HTR2B: variants seen among roughly 807,000 people sequenced by gnomAD.
HTR2B encodes the protein 5-hydroxytryptamine receptor 2B.
A neutral mutation model predicts 39.8 loss-of-function variants in HTR2B; 31 were observed. That is an observed-to-expected ratio of 0.78 (90% CI 0.58 to 1.05). The LOEUF (loss-of-function observed/expected upper bound fraction) is 1.05, where lower values mean the gene tolerates loss of function less well. Ranked by LOEUF, HTR2B falls within the 50% of genes least tolerant of loss-of-function variation. The probability of loss-of-function intolerance (pLI) is 0.00; values close to 1 mark genes in which losing one functional copy is unlikely to be tolerated. For missense variants in HTR2B, 562 were observed against 578.0 expected, an observed-to-expected ratio of 0.97 and a Z score of 0.28; for synonymous variants, 210 against 207.1, an observed-to-expected ratio of 1.01 and a Z score of -0.12.
At chr2:231,116,423 C>G (rs1326460813) in intron 2 of HTR2B, among the ~76,000 whole-genome samples, 2 of 152,018 alleles carry the variant, frequency 1.3e-5, no homozygotes, top group Non-Finnish European at 2.9e-5. Context: ...AGTCCTTACT[C>G]TCTCTGTAAC....
In HTR2B at chr2:231,108,710, C is replaced by T. The variant is rs368672604; in HGVS notation, c.1253G>A (p.Arg418Gln). The T allele has an allele frequency of 8.1e-6, 13 of 1,613,944 alleles. No homozygotes were observed. Among genetic ancestry groups the T allele is most frequent in the African/African-American group, 8.0e-5 (6 of 74,902 alleles). Reference sequence around the variant, plus strand: ...CTTAGAGTTCTCTGCCATTGGATTCCGGAAGTAGATCTTACTGGAGCGTTT... The same window carrying T: ...CTTAGAGTTCTCTGCCATTGGATTCTGGAAGTAGATCTTACTGGAGCGTTT... ...LRKRSSKIYF[R>Q]NPMAENSKFF... is the part of the protein sequence containing the mutation. The change falls in exon 4 of 4, where the codon CGG becomes CAG. Residue 418 changes from arginine (R) to glutamine (Q), a missense_variant. Transcript: ENST00000258400.
Position 231,108,456 on chromosome 2 carries a change from A to G in HTR2B, c.*61T>C. On this transcript the variant is annotated 3_prime_UTR_variant, in exon 4 of 4. Coordinates refer to ENST00000258400, the MANE Select transcript of HTR2B (RefSeq NM_000867.5). ...ATTCTTTATATAATATATTCTTGGC[A>G]CATTTACATCTCATTCATCATCTTA... is the stretch of plus-strand genomic sequence containing the variant. The G allele has an allele frequency of 8.3e-7, 1 of 1,210,388 alleles. No homozygotes were observed. Among genetic ancestry groups the G allele is most frequent in the East Asian group, 2.3e-5 (1 of 42,582 alleles). 75.0% of individuals were successfully genotyped at this position (1,210,388 alleles called of 1,614,324 possible).
rs758025130 is a variant in HTR2B, at chr2:231,108,634, C to G, written c.1329G>C (p.Gln443His). The G allele has an allele frequency of 6.2e-7, 1 of 1,614,018 alleles. No individual in the cohort carries two copies. The highest frequency in any genetic ancestry group is 1.1e-5 in the South Asian group (1 of 91,074). The change falls in exon 4 of 4, where the codon CAG becomes CAC. Residue 443 changes from glutamine (Q) to histidine (H), a missense_variant. Gln to His is a conservative substitution (Grantham distance 24). Coordinates refer to ENST00000258400, the MANE Select transcript of HTR2B (RefSeq NM_000867.5). ...IRNGINPAMY[Q>H]SPMRLRSSTI... ...TTGAACTTCGGAGCCTCATTGGACTCTGGTACATGGCAGGGTTAATCCCAT... is the reference window on the plus strand; with the variant it reads ...TTGAACTTCGGAGCCTCATTGGACTGTGGTACATGGCAGGGTTAATCCCAT...
At position 231,123,491 on chromosome 2, in the gene HTR2B, AG is replaced by A; in HGVS notation, c.273del (p.Leu93Ter). 1 of 1,614,150 alleles carries A rather than the reference AG, an allele frequency of 6.2e-7. No individual in the cohort carries two copies. Among genetic ancestry groups the A allele is most frequent in the Middle Eastern group, 1.7e-4 (1 of 6,060 alleles). On this transcript the variant is annotated frameshift_variant, in exon 2 of 4. Transcript: ENST00000258400. LOFTEE classifies it high-confidence loss of function. ...TCAGCCACCGCCAAGGACATTAGAA[AG>A]TAATTAGTAGCATACTGCAGCTTCT... is the stretch of plus-strand genomic sequence containing the variant. ...LEKKLQYATNYFLMSLAVADL... is the reference protein window; with the variant it reads ...LEKKLQYATNXFLMSLAVADL...
In HTR2B at chr2:231,109,119, C is replaced by G. The variant is rs146711044; in HGVS notation, c.844G>C (p.Ala282Pro). 1.6e-4 allele frequency: 263 copies of G among 1,613,958 alleles called. No individual in the cohort carries two copies. The highest frequency in any genetic ancestry group is 2.1e-4 in the Non-Finnish European group (251 of 1,179,946). ...ETPCSSPEKVAMLDGSRKDKA... is the reference protein window; with the variant it reads ...ETPCSSPEKVPMLDGSRKDKA... ...TCCTTTCGAGAACCATCCAGCATTGCCACCTTTTCCGGTGACGAGCAAGGT... is the reference window on the plus strand; with the variant it reads ...TCCTTTCGAGAACCATCCAGCATTGGCACCTTTTCCGGTGACGAGCAAGGT... The change falls in exon 4 of 4, where the codon GCA becomes CCA. Residue 282 changes from alanine to proline, a missense_variant. Ala to Pro is a conservative substitution (Grantham distance 27, BLOSUM62 -1). Transcript: ENST00000258400.
intron 2 of HTR2B, among the ~76,000 whole-genome samples, chr2:231,117,209 G>A (rs370750500): frequency 1.8e-4 from 27 of 151,890 alleles, no homozygotes; most frequent in East Asian, 1.2e-3. Context: ...ATTTCAAAAC[G>A]TTTATTTTAG....
In HTR2B at chr2:231,109,073, C is replaced by T. The variant is rs1559233575; in HGVS notation, c.890G>A (p.Gly297Asp). Residue 297 changes from glycine (G) to aspartate (D), a missense_variant, in exon 4 of 4, where the codon GGT (glycine) becomes GAT (aspartate). Transcript: ENST00000258400. ...SRKDKALPNSGDETLMRRTST... is the reference protein window; with the variant it reads ...SRKDKALPNSDDETLMRRTST... ...TGTTCTTCGCATAAGTGTTTCATCACCTGAGTTGGGCAGAGCCTTGTCCTT... is the reference window on the plus strand; with the variant it reads ...TGTTCTTCGCATAAGTGTTTCATCATCTGAGTTGGGCAGAGCCTTGTCCTT... 3.1e-6 allele frequency: 5 copies of T among 1,614,104 alleles called. No individual in the cohort carries two copies. The Admixed American group carries it at 5.0e-5, about 16-fold the overall frequency.
chr2:231,123,485 T>G lies in HTR2B; in HGVS notation c.280A>C (p.Met94Leu). 6.2e-7 allele frequency: 1 copy of G among 1,614,036 alleles called. No homozygotes were observed. Among genetic ancestry groups the G allele is most frequent in the South Asian group, 1.1e-5 (1 of 91,078 alleles). The part of the protein sequence containing the change: ...KLQYATNYFL[M>L]SLAVADLLVG... ...AGCAAATCAGCCACCGCCAAGGACA[T>G]TAGAAAGTAATTAGTAGCATACTGC... Residue 94 changes from methionine to leucine, a missense_variant, in exon 2 of 4, where the codon ATG becomes CTG. By Grantham distance (15) the Met-to-Leu change is conservative (BLOSUM62 2). Transcript: ENST00000258400.
Position 231,113,820 on chromosome 2 carries a change from G to A in HTR2B, c.462C>T (p.Tyr154=). The part of the protein sequence containing the change: ...MHLCAISVDR[Y]IAIKKPIQAN... ...CCTGGATTGGCTTTTTGATGGCTAT[G>A]TAACGATCCACTGAAATGGCACAGA... Residue 154 remains tyrosine (Y), a synonymous_variant, in exon 3 of 4, where the codon TAC becomes TAT. Transcript: ENST00000258400. 6.2e-7 allele frequency: 1 copy of A among 1,614,124 alleles called. No homozygotes were observed. Among genetic ancestry groups the A allele is most frequent in the Non-Finnish European group, 8.5e-7 (1 of 1,179,964 alleles).
At chr2:231,123,278 G>T (rs1384305448) in intron 2 of HTR2B, 135 bp downstream of exon 2, 3 of 736,378 alleles carry the variant, frequency 4.1e-6, no homozygotes, top group Non-Finnish European at 7.2e-6. Context: ...ACAAGGGACT[G>T]TTTACTTGCC....
Position 231,125,008 on chromosome 2 carries a change from T to G in HTR2B, c.-403A>C, listed in dbSNP as rs753545834. ...TTGTTATTTTGCTGAGCATGTCATC[T>G]TATCTGTTCACTAGACTTGCTTGCT... On this transcript the variant is annotated 5_prime_UTR_variant, in exon 1 of 4. Coordinates refer to ENST00000258400, the MANE Select transcript of HTR2B (RefSeq NM_000867.5). The G allele has an allele frequency of 1.2e-4, 18 of 152,262 alleles. No individual in the cohort carries two copies. Among genetic ancestry groups the G allele is most frequent in the Admixed American group, 6.5e-5 (1 of 15,282 alleles). The allele number at this position is 152,262 out of a possible 1,614,324, so 9.4% of individuals were successfully genotyped here.
chr2:231,108,822 T>A lies in HTR2B; in HGVS notation c.1141A>T (p.Thr381Ser), dbSNP rs1695052683. 1.9e-6 allele frequency: 3 copies of A among 1,614,106 alleles called. No homozygotes were observed. Among genetic ancestry groups the A allele is most frequent in the Non-Finnish European group, 2.5e-6 (3 of 1,180,022 alleles). Residue 381 changes from threonine (T) to serine (S), a missense_variant, in exon 4 of 4, where the codon ACC (threonine) becomes TCC (serine). Transcript: ENST00000258400. ...TCCCGAAATGTCTTATTGAAGAGGG[T>A]GTAGACCAAAGGATTCACTCCTGAG... ...VSSGVNPLVY[T>S]LFNKTFRDAF...
intron 2 of HTR2B, among the ~76,000 whole-genome samples, chr2:231,116,040 A>C (rs922770951): frequency 1.1e-4 from 16 of 152,122 alleles, no homozygotes; most frequent in Admixed American, 5.2e-4. Context: ...GTCTCATGGA[A>C]AGGAACTAAT....
rs1294403875 is a variant in HTR2B, at chr2:231,109,209, T to G, written c.754A>C (p.Lys252Gln). The G allele has an allele frequency of 6.2e-7, 1 of 1,614,200 alleles. No individual in the cohort carries two copies. The highest frequency in any genetic ancestry group is 8.5e-7 in the Non-Finnish European group (1 of 1,180,030). ...GTTAGGCGTTGAGGTGGCTTGTTTT[T>G]GACTAAGTAAGCCTTCTTCTGTAAA... The part of the protein sequence containing the change: ...HALQKKAYLV[K>Q]NKPPQRLTWL... The change falls in exon 4 of 4, where the codon AAA (lysine) becomes CAA (glutamine). Residue 252 changes from lysine (K) to glutamine (Q), a missense_variant. Transcript: ENST00000258400.
chr2:231,113,608 T>C, intron 3 of HTR2B, 121 bp downstream of exon 3: 1 of 838,858 alleles, frequency 1.2e-6, no homozygotes, highest in Non-Finnish European at 2.1e-6. Flanking sequence ...TATGTTAATG[T>C]ATCAGTAGGC....
chr2:231,113,088 C>T (rs1321173149), intron 3 of HTR2B, among the ~76,000 whole-genome samples: 1 of 151,978 alleles, frequency 6.6e-6, no homozygotes, highest in African/African-American at 2.4e-5. Flanking sequence ...CGCTTGAGCC[C>T]GGGAAGTCGA....
At chr2:231,120,691 A>T (rs1189742385) in intron 2 of HTR2B, among the ~76,000 whole-genome samples, 5 of 152,226 alleles carry the variant, frequency 3.3e-5, no homozygotes, top group Non-Finnish European at 7.3e-5. Context: ...TATTTTTAAA[A>T]TTTCATTTTA....
rs1464565890 is a variant in HTR2B, at chr2:231,108,442, A to G, written c.*75T>C. ...ATATATGACATAAAATTCTTTATATAATATATTCTTGGCACATTTACATCT... is the reference window on the plus strand; with the variant it reads ...ATATATGACATAAAATTCTTTATATGATATATTCTTGGCACATTTACATCT... On this transcript the variant is annotated 3_prime_UTR_variant, in exon 4 of 4. Transcript: ENST00000258400. 2.9e-6 allele frequency: 3 copies of G among 1,038,900 alleles called. No homozygotes were observed. Among genetic ancestry groups the G allele is most frequent in the Non-Finnish European group, 2.9e-6 (2 of 681,484 alleles). 64.4% of individuals were successfully genotyped at this position (1,038,900 alleles called of 1,614,324 possible).
intron 1 of HTR2B, among the ~76,000 whole-genome samples, chr2:231,124,749 A>G (rs946970047): frequency 1.3e-5 from 2 of 152,108 alleles, no homozygotes; most frequent in African/African-American, 4.8e-5. Flanking sequence ...TAACCTTCCC[A>G]GTTGCCTTGA....
Sources: allele counts gnomAD v4.1 joint callset (sites outside exome capture counted in the v4.1 genomes callset), GRCh38; gene constraint gnomAD v4.1.1; transcripts MANE v1.5; gene names NCBI Gene and HGNC (gene_info 2026-07-23, HGNC 2026-07-21).